Variants in ACACA observed in about 807,000 individuals in gnomAD.
ACACA encodes acetyl-CoA carboxylase alpha, also known as acetyl-CoA carboxylase 1.
In ACACA, 103 loss-of-function variants were observed where a neutral mutation model predicts 296.1. The observed-to-expected ratio is 0.35, with a 90% CI of 0.30 to 0.41. The LOEUF (loss-of-function observed/expected upper bound fraction) is 0.41. Among genes scored for constraint, ACACA ranks in the 10% least tolerant of loss-of-function variants. The probability of loss-of-function intolerance (pLI) is 1.00; values close to 1 mark genes in which losing one functional copy is unlikely to be tolerated. For missense variants in ACACA, 1,554 were observed against 2,989.7 expected (o/e 0.52, Z 11.20); for synonymous variants, 953 against 1,038.6 (o/e 0.92, Z 1.58).
intron 1 of ACACA, among the ~76,000 whole-genome samples, chr17:37,377,328 T>C (rs2050043376): frequency 6.6e-6 from 1 of 152,172 alleles, no homozygotes; most frequent in Non-Finnish European, 1.5e-5. Context: ...TTCTTTATAC[T>C]AGGTCAACTA....
chr17:37,182,410 A>G (rs1262916955), intron 39 of ACACA, among the ~76,000 whole-genome samples: 6 of 152,098 alleles, frequency 3.9e-5, no homozygotes, highest in Non-Finnish European at 8.8e-5. Context: ...CAACTAGTGA[A>G]TAGCTCCTGC....
chr17:37,130,167 T>G lies in ACACA; in HGVS notation c.5731A>C (p.Ile1911Leu). 6.2e-7 allele frequency: 1 copy of G among 1,614,090 alleles called. No homozygotes were observed. The highest frequency in any genetic ancestry group is 8.5e-7 in the Non-Finnish European group (1 of 1,179,978). ...TSNNQLGGIQ[I>L]MHNNGVTHCT... Reference sequence around the variant, plus strand: ...TGGGTCACCCCATTGTTGTGCATAATCTGGATGCCCCCCAGCTGGTTATTG... The same window carrying G: ...TGGGTCACCCCATTGTTGTGCATAAGCTGGATGCCCCCCAGCTGGTTATTG... Residue 1911 changes from isoleucine (I) to leucine (L), a missense_variant, in exon 46 of 56, where the codon ATT becomes CTT. Ile to Leu is a conservative substitution (Grantham distance 5). This residue lies in a region of ACACA where 553 missense variants were observed against 1,043.6 expected (regional missense o/e 0.53). Coordinates refer to ENST00000616317, the MANE Select transcript of ACACA (RefSeq NM_198834.3).
intron 3 of ACACA, among the ~76,000 whole-genome samples, chr17:37,308,989 C>T (rs1005667874): frequency 7.9e-5 from 12 of 152,086 alleles, no homozygotes; most frequent in Non-Finnish European, 1.8e-4. Flanking sequence ...AGTCTTTATA[C>T]CTCTACCATT....
intron 5 of ACACA, among the ~76,000 whole-genome samples, chr17:37,278,570 T>A (rs2082370339): frequency 6.6e-6 from 1 of 152,236 alleles, no homozygotes; most frequent in African/African-American, 2.4e-5. Context: ...CACTTTCTCA[T>A]ATATATTTGT....
chr17:37,235,958 T>C (rs1471816242), intron 24 of ACACA, among the ~76,000 whole-genome samples: 1 of 152,202 alleles, frequency 6.6e-6, no homozygotes, highest in Non-Finnish European at 1.5e-5. Flanking sequence ...AATATTCAGT[T>C]CTTTAGAAAA....
chr17:37,213,348 C>CAAA (rs11353673), intron 29 of ACACA, among the ~76,000 whole-genome samples: 3 of 78,604 alleles, frequency 3.8e-5, no homozygotes, highest in East Asian at 3.1e-4. Context: ...AAGTAAGTCT[C>CAAA]AAAAAAAAAA....
At chr17:37,376,054 G>T (rs763721888) in intron 1 of ACACA, 3 of 1,562,430 alleles carry the variant, frequency 1.9e-6, no homozygotes, top group Non-Finnish European at 2.6e-6. Flanking sequence ...TGACAGATGA[G>T]CAGTGGTCTG....
intron 3 of ACACA, among the ~76,000 whole-genome samples, chr17:37,320,332 G>A (rs536065672): frequency 2.0e-5 from 3 of 151,588 alleles, no homozygotes; most frequent in African/African-American, 4.8e-5. Flanking sequence ...CCAACATGGC[G>A]AAACCCTGTC....
chr17:37,181,313 C>T lies in ACACA; in HGVS notation c.4820G>A (p.Gly1607Glu). 6.2e-7 allele frequency: 1 copy of T among 1,614,064 alleles called. No individual in the cohort carries two copies. The highest frequency in any genetic ancestry group is 8.5e-7 in the Non-Finnish European group (1 of 1,180,004). Residue 1607 changes from glycine to glutamate, a missense_variant, in exon 40 of 56, where the codon GGA (glycine) becomes GAA (glutamate). Around this residue, in one of 16 missense-constraint regions of ACACA, gnomAD observed 553 missense variants for 1,043.6 expected, o/e 0.53. Transcript: ENST00000616317. ...AYGDKQGPLHGMLINTPYVTK... is the reference protein window; with the variant it reads ...AYGDKQGPLHEMLINTPYVTK... ...CACATATGGAGTATTGATTAACATT[C>T]CATGCAGTGGTCCCTGTTTGTCTCC...
At chr17:37,390,322 A>ATCTATCTATATATC (rs1555672346) in intron 1 of ACACA, among the ~76,000 whole-genome samples, 1 of 38,086 alleles carries the variant, frequency 2.6e-5, no homozygotes, top group Non-Finnish European at 4.4e-5. Context: ...ATATATATAT[A>ATCTATCTATATATC]TATATATATA....
intron 3 of ACACA, among the ~76,000 whole-genome samples, chr17:37,327,763 T>C (rs1171878982): frequency 1.3e-5 from 2 of 152,208 alleles, no homozygotes; most frequent in African/African-American, 4.8e-5. Context: ...GTTAAACCAG[T>C]CTTTCTCAAC....
rs546740384 is a variant in ACACA at position 37,088,183 on chromosome 17, A to T, written c.7029-744T>A. On this transcript the variant is annotated intron_variant, in intron 55 of 55. Transcript: ENST00000616317. Reference sequence around the variant, plus strand: ...ATGAGCAATGTTCTACAGATGGTAGATATCAGATAAAAGTTTTTAATCAAT... The same window carrying T: ...ATGAGCAATGTTCTACAGATGGTAGTTATCAGATAAAAGTTTTTAATCAAT... Among the ~76,000 whole-genome samples the T allele has an allele frequency of 3.7e-4, 56 of 152,324 alleles. 2 individuals are homozygous for T. The highest frequency in any genetic ancestry group is 2.5e-3 in the South Asian group (12 of 4,828).
chr17:37,185,041 T>A (rs990300758), intron 39 of ACACA, among the ~76,000 whole-genome samples: 1 of 152,058 alleles, frequency 6.6e-6, no homozygotes, highest in Admixed American at 6.5e-5. Context: ...AGAAAGCAGA[T>A]CAGTGGTTGC....
At chr17:37,171,399 C>G (rs1283238510) in intron 41 of ACACA, among the ~76,000 whole-genome samples, 1 of 152,052 alleles carries the variant, frequency 6.6e-6, no homozygotes, top group Non-Finnish European at 1.5e-5. Context: ...ACCTCTTTCC[C>G]CCTTTTGTAT....
chr17:37,276,545 T>C (rs572440497), intron 7 of ACACA, among the ~76,000 whole-genome samples: 1 of 152,346 alleles, frequency 6.6e-6, no homozygotes, highest in African/African-American at 2.4e-5. Flanking sequence ...CTTTGAGCTA[T>C]ATAACCTCTG....
At chr17:37,401,271 C>A (rs2051279357) in intron 1 of ACACA, among the ~76,000 whole-genome samples, 1 of 149,564 alleles carries the variant, frequency 6.7e-6, no homozygotes, top group Non-Finnish European at 1.5e-5. Flanking sequence ...TGGCTCACTG[C>A]AACCTCCGCC....
At chr17:37,183,552 G>A (rs1451453165) in intron 39 of ACACA, among the ~76,000 whole-genome samples, 2 of 152,116 alleles carry the variant, frequency 1.3e-5, no homozygotes, top group African/African-American at 4.8e-5. Context: ...TAGAGGGCCG[G>A]GCGCAGTGGC....
chr17:37,391,588 C>T (rs1341193292), intron 1 of ACACA: 5 of 1,489,614 alleles, frequency 3.4e-6, no homozygotes, highest in East Asian at 4.5e-5. Context: ...TTTCTTGGTA[C>T]ATGAAGAACT....
chr17:37,258,704 C>G (rs1036639815), intron 12 of ACACA, among the ~76,000 whole-genome samples: 2 of 152,152 alleles, frequency 1.3e-5, no homozygotes, highest in East Asian at 3.9e-4. Context: ...CAAAAACAGA[C>G]AGCTAGAAAG....
Sources: gnomAD v4.1 joint callset for allele counts (sites outside exome capture counted in the v4.1 genomes callset) on GRCh38, gnomAD v4.1.1 for gene constraint, gnomAD v4.1.1 regional missense constraint, MANE v1.5 for transcripts, NCBI Gene and HGNC (gene_info 2026-07-23, HGNC 2026-07-21) for gene names.